RAB9B: variants seen among roughly 807,000 people sequenced by gnomAD.
RAB9B encodes ras-related protein Rab-9B.
In RAB9B, 1 loss-of-function variant was observed where a neutral mutation model predicts 8.9. The ratio of observed to expected loss-of-function variants is 0.11; its 90% CI spans 0.04 to 0.53. The LOEUF (loss-of-function observed/expected upper bound fraction) is 0.53, where lower values mean the gene tolerates loss of function less well. RAB9B is among the 20% of genes least tolerant of loss of function. The pLI is 0.93. For synonymous variants in RAB9B, 63 were observed against 57.0 expected (o/e 1.10, Z -0.47); for missense variants, 82 against 152.9 (o/e 0.54, Z 2.45).
Position 103,823,763 on chromosome X carries a change from A to G in RAB9B, c.*1416T>C, listed in dbSNP as rs1346167698. ...TTAAGATGTTTTTTATCAGTCACAT[A>G]AAGATTACTCAGAGCTCAAGAATTT... is the stretch of plus-strand genomic sequence containing the variant. On this transcript the variant is annotated 3_prime_UTR_variant, in exon 3 of 3. Transcript: ENST00000243298. 2.7e-5 allele frequency: 3 copies of G among 112,265 alleles called. No homozygotes were observed. The highest frequency in any genetic ancestry group is 5.6e-5 in the Non-Finnish European group (3 of 53,250). The allele number at this position is 112,265 out of a possible 1,213,427, so 9.3% of individuals were successfully genotyped here. A position where few individuals can be genotyped will look rare whatever the true frequency, so the allele number is the denominator to read the frequency against.
rs368010774 is a variant in RAB9B, at chrX:103,825,213, T to C, written c.572A>G (p.Asn191Ser). ...HCMLGHTIDLNSGSKAGSSCC is the reference protein window; with the variant it reads ...HCMLGHTIDLSSGSKAGSSCC ...CGAAGACCCTGCTTTGGAGCCACTG[T>C]TCAAGTCAATGGTGTGACCCAACAT... Residue 191 changes from asparagine (N) to serine (S), a missense_variant, in exon 3 of 3, where the codon AAC becomes AGC. Asn to Ser is a conservative substitution (Grantham distance 46). Transcript: ENST00000243298. 8 of 1,208,746 alleles carry C rather than the reference T, an allele frequency of 6.6e-6. No individual in the cohort carries two copies. In the African/African-American group the frequency reaches 1.2e-4, roughly 19 times the overall value.
the RAB9B span, among the ~76,000 whole-genome samples, chrX:103,815,612 G>T: frequency 4.5e-5 from 5 of 111,958 alleles, no homozygotes; most frequent in South Asian, 3.7e-4. Flanking sequence ...GCAATACAGG[G>T]TATTCAAATA....
chrX:103,781,337 TC>T, the RAB9B span: 3 of 323,425 alleles, frequency 9.3e-6, no homozygotes, highest in Non-Finnish European at 1.8e-5. Context: ...TTGATCTCTG[TC>T]AGACCGCTGT....
the RAB9B span, among the ~76,000 whole-genome samples, chrX:103,814,613 C>T: frequency 3.6e-5 from 4 of 110,759 alleles, no homozygotes; most frequent in African/African-American, 1.3e-4. Flanking sequence ...GAGATAGAGA[C>T]ACAAAAAACC....
the RAB9B span, among the ~76,000 whole-genome samples, chrX:103,809,095 G>C: frequency 6.0e-4 from 67 of 111,730 alleles, no homozygotes; most frequent in Non-Finnish European, 1.1e-3. Context: ...CATGAGGGTG[G>C]GGTCCTCACA....
chrX:103,786,290 C>A, the RAB9B span: 1 of 1,085,656 alleles, frequency 9.2e-7, no homozygotes, highest in Non-Finnish European at 1.3e-6. Flanking sequence ...CCTGTCTTCA[C>A]TTATTTCAAC....
chrX:103,788,379 C>T, the RAB9B span: 3 of 854,001 alleles, frequency 3.5e-6, no homozygotes, highest in Non-Finnish European at 5.3e-6. Context: ...GGGAAAGTCT[C>T]CATGTGGCCC....
chrX:103,831,673 G>C (rs2074704091), intron 1 of RAB9B, among the ~76,000 whole-genome samples: 1 of 108,296 alleles, frequency 9.2e-6, no homozygotes, highest in Admixed American at 9.9e-5. Context: ...TACGACAGGG[G>C]CACTGTTAGC....
chrX:103,782,025 A>G, the RAB9B span, among the ~76,000 whole-genome samples: 1 of 112,268 alleles, frequency 8.9e-6, no homozygotes, highest in Non-Finnish European at 1.9e-5. Context: ...AGCCCAATGG[A>G]TCTTTTCTCA....
the RAB9B span, among the ~76,000 whole-genome samples, chrX:103,801,398 C>T: frequency 2.8e-5 from 3 of 107,463 alleles, no homozygotes; most frequent in Non-Finnish European, 3.9e-5. Flanking sequence ...CTAAAGACCA[C>T]GGCCTGATGT....
chrX:103,795,792 A>G, the RAB9B span, among the ~76,000 whole-genome samples: 2 of 112,427 alleles, frequency 1.8e-5, no homozygotes, highest in African/African-American at 6.5e-5. Flanking sequence ...TACGCAGATG[A>G]TATTATCACA....
At chrX:103,782,049 G>T in the RAB9B span, among the ~76,000 whole-genome samples, 1 of 112,447 alleles carries the variant, frequency 8.9e-6, no homozygotes, top group East Asian at 2.8e-4. Context: ...TGCTTTGATT[G>T]TCAACTACTT....
At chrX:103,799,735 T>G in the RAB9B span, among the ~76,000 whole-genome samples, 1 of 112,519 alleles carries the variant, frequency 8.9e-6, no homozygotes, top group Non-Finnish European at 1.9e-5. Flanking sequence ...AGTCCCTAAA[T>G]GCAAAGAGCC....
rs1374833787 is a variant in RAB9B, at chrX:103,822,806, C to T, written c.*2373G>A. 9.0e-6 allele frequency: 1 copy of T among 111,181 alleles called. No homozygotes were observed. The highest frequency in any genetic ancestry group is 3.3e-5 in the African/African-American group (1 of 30,591). 9.2% of individuals were successfully genotyped at this position (111,181 alleles called of 1,213,427 possible). ...TTACCCAAACTGTATGTCAGCACCCCACTGAGTGTTGCTTACCCAAATGCC... is the reference window on the plus strand; with the variant it reads ...TTACCCAAACTGTATGTCAGCACCCTACTGAGTGTTGCTTACCCAAATGCC... On this transcript the variant is annotated 3_prime_UTR_variant, in exon 3 of 3. Transcript: ENST00000243298.
chrX:103,812,555 G>A, the RAB9B span, among the ~76,000 whole-genome samples: 1 of 111,808 alleles, frequency 8.9e-6, no homozygotes, highest in Non-Finnish European at 1.9e-5. Flanking sequence ...GGTCACTAAC[G>A]AAAACCAACA....
chrX:103,786,899 G>A, the RAB9B span: 1 of 511,178 alleles, frequency 2.0e-6, no homozygotes. Context: ...TGCCCAGCTG[G>A]CTTAGCCTCA....
the RAB9B span, among the ~76,000 whole-genome samples, chrX:103,789,843 CAT>C: frequency 1.8e-5 from 2 of 111,409 alleles, no homozygotes; most frequent in Non-Finnish European, 3.8e-5. Flanking sequence ...TTTAGTTACT[CAT>C]ATGGAAATAC....
chrX:103,813,745 CAAA>C, the RAB9B span, among the ~76,000 whole-genome samples: 2 of 8,542 alleles, frequency 2.3e-4, no homozygotes, highest in African/African-American at 4.8e-4. Flanking sequence ...AAATGGAAAG[CAAA>C]AAAAAAAAAA....
the RAB9B span, among the ~76,000 whole-genome samples, chrX:103,801,337 G>A: frequency 9.0e-6 from 1 of 110,659 alleles, no homozygotes; most frequent in Non-Finnish European, 1.9e-5. Context: ...CTATCATTTG[G>A]TCCCACCACT....
Sources: gnomAD v4.1 joint callset for allele counts (sites outside exome capture counted in the v4.1 genomes callset) on GRCh38, gnomAD v4.1.1 for gene constraint, MANE v1.5 for transcripts, NCBI Gene and HGNC (gene_info 2026-07-23, HGNC 2026-07-21) for gene names.